The following DIPK1A variants were observed in gnomAD, a reference collection of about 807,000 sequenced individuals.
DIPK1A encodes the protein divergent protein kinase domain 1A, also known as family with sequence similarity 69 member A.
A neutral mutation model predicts 40.8 loss-of-function variants in DIPK1A; 27 were observed. That is an observed-to-expected ratio of 0.66 (90% CI 0.49 to 0.91). DIPK1A has a LOEUF of 0.91. DIPK1A is among the 40% of genes least tolerant of loss of function. The pLI, the probability that DIPK1A is intolerant of heterozygous loss-of-function variation, is 0.00. For synonymous variants in DIPK1A, 166 were observed against 171.3 expected, an observed-to-expected ratio of 0.97 and a Z score of 0.24; for missense variants, 412 against 505.7, an observed-to-expected ratio of 0.81 and a Z score of 1.78.
chr1:92,843,942 C>G lies in DIPK1A; in HGVS notation c.728G>C (p.Trp243Ser), dbSNP rs1488858890. Residue 243 changes from tryptophan to serine, a missense_variant, in exon 5 of 5, where the codon TGG becomes TCG. Coordinates refer to ENST00000370310, the MANE Select transcript of DIPK1A (RefSeq NM_001006605.5). ...AGATGGAATAAAAAGTTCAATGACC[C>G]AAGGAAGGCTTATTCCATAAAGAGA... ...YTSLYGISLP[W>S]VIELFIPSGF... 9 of 1,551,702 alleles carry G rather than the reference C, an allele frequency of 5.8e-6. No homozygotes were observed. In the East Asian group the frequency reaches 1.7e-4, roughly 29 times the overall value.
chr1:92,946,563 C>A (rs1374233704), intron 1 of DIPK1A, among the ~76,000 whole-genome samples: 1 of 152,160 alleles, frequency 6.6e-6, no homozygotes, highest in Non-Finnish European at 1.5e-5. Context: ...AACTATCAAA[C>A]AATGGAGAGG....
intron 1 of DIPK1A, among the ~76,000 whole-genome samples, chr1:92,892,790 G>T (rs1269859846): frequency 7.0e-6 from 1 of 142,056 alleles, no homozygotes; most frequent in Non-Finnish European, 1.5e-5. Flanking sequence ...AATAACCAAT[G>T]CAGAGAAGTC....
At chr1:92,959,903 CTTTTTTT>C (rs1157142089) in intron 1 of DIPK1A, among the ~76,000 whole-genome samples, 22 of 47,878 alleles carry the variant, frequency 4.6e-4, no homozygotes, top group African/African-American at 1.5e-3. Context: ...ACCCAACCAA[CTTTTTTT>C]TTTTTTTTTT....
At chr1:92,953,843 T>G (rs947211388) in intron 1 of DIPK1A, among the ~76,000 whole-genome samples, 1 of 152,204 alleles carries the variant, frequency 6.6e-6, no homozygotes, top group Non-Finnish European at 1.5e-5. Context: ...GTGCATAAAA[T>G]AGTTAATACT....
At chr1:92,889,308 A>G (rs1167732787) in intron 1 of DIPK1A, among the ~76,000 whole-genome samples, 1 of 152,052 alleles carries the variant, frequency 6.6e-6, no homozygotes, top group Non-Finnish European at 1.5e-5. Flanking sequence ...CAAATATCAG[A>G]TAGCTGTTTA....
intron 1 of DIPK1A, among the ~76,000 whole-genome samples, chr1:92,958,999 G>C (rs377480878): frequency 6.6e-6 from 1 of 152,180 alleles, no homozygotes; most frequent in African/African-American, 2.4e-5. Flanking sequence ...AAAATACTTT[G>C]GTTCAGCCAG....
intron 1 of DIPK1A, among the ~76,000 whole-genome samples, chr1:92,893,648 A>G (rs1241451233): frequency 6.6e-6 from 1 of 151,024 alleles, no homozygotes; most frequent in African/African-American, 2.4e-5. Flanking sequence ...ATTCACACAT[A>G]ACAATATTAA....
Position 92,842,677 on chromosome 1 carries a change from G to C in DIPK1A, c.*706C>G. ...ATCTTGATTGGGCCTTAAGATGTCA[G>C]TTTTGAAGGGCTCAGTCAGCTGCGT... On this transcript the variant is annotated 3_prime_UTR_variant, in exon 5 of 5. Coordinates refer to ENST00000370310, the MANE Select transcript of DIPK1A (RefSeq NM_001006605.5). 1 of 985,424 alleles carries C rather than the reference G, an allele frequency of 1.0e-6. No homozygotes were observed. The highest frequency in any genetic ancestry group is 1.2e-6 in the Non-Finnish European group (1 of 829,930). The allele number at this position is 985,424 out of a possible 1,614,324, so 61.0% of individuals were successfully genotyped here. A position where few individuals can be genotyped will look rare whatever the true frequency, so the allele number is the denominator to read the frequency against.
At chr1:92,954,704 T>C (rs955867842) in intron 1 of DIPK1A, among the ~76,000 whole-genome samples, 3 of 152,120 alleles carry the variant, frequency 2.0e-5, no homozygotes, top group African/African-American at 7.2e-5. Flanking sequence ...AATCAGACAA[T>C]GTAAAATGAT....
intron 4 of DIPK1A, among the ~76,000 whole-genome samples, chr1:92,845,038 A>G (rs1318371944): frequency 1.5e-5 from 2 of 137,690 alleles, no homozygotes; most frequent in Non-Finnish European, 3.0e-5. Context: ...TCCACCTCCC[A>G]GGTTCACGCC....
intron 1 of DIPK1A, chr1:92,932,983 C>T (rs142789206): frequency 1.3e-5 from 2 of 152,246 alleles, no homozygotes; most frequent in African/African-American, 2.4e-5. Flanking sequence ...ACATATGTAC[C>T]ACTCTGGTGA....
At chr1:92,927,765 C>A (rs975317212) in intron 1 of DIPK1A, among the ~76,000 whole-genome samples, 4 of 152,186 alleles carry the variant, frequency 2.6e-5, no homozygotes, top group Non-Finnish European at 5.9e-5. Flanking sequence ...AAGATTCATC[C>A]ATGTTACAAC....
intron 1 of DIPK1A, among the ~76,000 whole-genome samples, chr1:92,939,293 T>C (rs916494253): frequency 1.3e-5 from 2 of 152,200 alleles, no homozygotes; most frequent in Non-Finnish European, 1.5e-5. Flanking sequence ...GTACACTGAA[T>C]TTCTATCACC....
chr1:92,840,803 T>G (rs1457018946), downstream of DIPK1A: 1 of 735,042 alleles, frequency 1.4e-6, no homozygotes, highest in East Asian at 2.6e-5. Flanking sequence ...GATGGAAATG[T>G]GTTAGCCTCA....
intron 2 of DIPK1A, among the ~76,000 whole-genome samples, chr1:92,861,317 CTCTCTTTTTTTTT>C (rs1647261352): frequency 1.9e-5 from 2 of 102,936 alleles, no homozygotes; most frequent in African/African-American, 7.0e-5. Flanking sequence ...TATTCTCTCT[CTCTCTTTTTTTTT>C]TTTTTTTTTT....
At chr1:92,938,317 C>A (rs575845037) in intron 1 of DIPK1A, among the ~76,000 whole-genome samples, 1 of 151,284 alleles carries the variant, frequency 6.6e-6, no homozygotes, top group East Asian at 1.9e-4. Flanking sequence ...AATTAGCCAG[C>A]CATGGTGGTG....
intron 4 of DIPK1A, among the ~76,000 whole-genome samples, chr1:92,834,509 G>A (rs1032098776): frequency 6.6e-5 from 10 of 152,140 alleles, no homozygotes; most frequent in African/African-American, 1.4e-4. Context: ...GTCTTCCTCC[G>A]TACCCAAGTT....
At chr1:92,851,091 T>A (rs780998822) in intron 2 of DIPK1A, 136 bp from the exon 3 acceptor site, 10 of 618,826 alleles carry the variant, frequency 1.6e-5, no homozygotes, top group Non-Finnish European at 2.9e-5. Context: ...GACCTGGATT[T>A]GATCTAAGCT....
intron 1 of DIPK1A, among the ~76,000 whole-genome samples, chr1:92,927,379 T>G (rs904740827): frequency 6.7e-6 from 1 of 148,818 alleles, no homozygotes; most frequent in Admixed American, 6.7e-5. Context: ...TTTTTTTTTT[T>G]TTTTTTTTGC....
Sources: gnomAD v4.1 joint callset for allele counts (sites outside exome capture counted in the v4.1 genomes callset) on GRCh38, gnomAD v4.1.1 for gene constraint, MANE v1.5 for transcripts, NCBI Gene and HGNC (gene_info 2026-07-23, HGNC 2026-07-21) for gene names.